Variants in SPAG16 observed in about 807,000 individuals in gnomAD.
The protein encoded by SPAG16 is sperm-associated antigen 16 protein.
A neutral mutation model predicts 80.4 loss-of-function variants in SPAG16; 86 were observed. That is an observed-to-expected ratio of 1.07 (90% confidence interval 0.90 to 1.28). The LOEUF (loss-of-function observed/expected upper bound fraction) is 1.28. SPAG16 is among the 50% of genes most tolerant of loss of function. The pLI is 0.00. For synonymous variants in SPAG16, 294 were observed against 265.9 expected (o/e 1.11, Z -1.03); for missense variants, 870 against 765.3 (o/e 1.14, Z -1.61).
Position 214,246,734 on chromosome 2 carries a change from TTTGGGGAATGTTAAATATAATA to T in SPAG16, c.1720+97469_1720+97490del, listed in dbSNP as rs573854357. Among the ~76,000 whole-genome samples, 762 of 152,204 alleles carry T rather than the reference TTTGGGGAATGTTAAATATAATA, an allele frequency of 5.0e-3. 5 individuals carry two copies. The highest frequency in any genetic ancestry group is 0.017 in the African/African-American group (721 of 41,534). On this transcript the variant is annotated intron_variant, in intron 15 of 15. Transcript: ENST00000331683. Reference sequence around the variant, plus strand: ...CCAAGTCCTTTCTGAACTCCAGAGCTTTGGGGAATGTTAAATATAATAGAATACTTTTTGCTTTCAGCTGCTA... The same window carrying T: ...CCAAGTCCTTTCTGAACTCCAGAGCTGAATACTTTTTGCTTTCAGCTGCTA...
At chr2:213,726,613 G>A (rs569739196) in intron 10 of SPAG16, among the ~76,000 whole-genome samples, 14 of 152,234 alleles carry the variant, frequency 9.2e-5, no homozygotes, top group African/African-American at 3.1e-4. Context: ...GCCCACATAC[G>A]CACCACACTA....
chr2:214,323,131 T>C (rs1245662486), intron 15 of SPAG16, among the ~76,000 whole-genome samples: 1 of 152,146 alleles, frequency 6.6e-6, no homozygotes, highest in Non-Finnish European at 1.5e-5. Context: ...AGGATGGCTG[T>C]TGATATTGCG....
intron 12 of SPAG16, among the ~76,000 whole-genome samples, chr2:213,968,188 C>T (rs955147165): frequency 4.6e-5 from 7 of 151,040 alleles, no homozygotes; most frequent in Non-Finnish European, 7.4e-5. Context: ...CTTTTCTTTT[C>T]CTTTCCTCCA....
rs780051778 is a variant in SPAG16, at chr2:214,176,601, T to G, written c.1720+27335T>G. ...TAAGCTAACAAAAAGATTCCTTTCC[T>G]GTTCCTTTGATTCCAAAGAATGTAT... On this transcript the variant is annotated intron_variant, in intron 15 of 15. Coordinates refer to ENST00000331683, the MANE Select transcript of SPAG16 (RefSeq NM_024532.5). Among the ~76,000 whole-genome samples, 20 of 151,514 alleles carry G rather than the reference T, an allele frequency of 1.3e-4. No homozygotes were observed. In the East Asian group the frequency reaches 3.7e-3, roughly 28 times the overall value.
intron 15 of SPAG16, among the ~76,000 whole-genome samples, chr2:214,151,041 A>C (rs542201743): frequency 6.6e-6 from 1 of 152,174 alleles, no homozygotes; most frequent in Admixed American, 6.5e-5. Context: ...TAATGAAAAC[A>C]CTTTATCAGT....
chr2:214,261,746 A>G (rs1049088680), intron 15 of SPAG16, among the ~76,000 whole-genome samples: 3 of 152,144 alleles, frequency 2.0e-5, no homozygotes, highest in African/African-American at 4.8e-5. Flanking sequence ...CGAAGTGTAA[A>G]TATATGTATA....
chr2:214,327,773 TA>T (rs1394208943), intron 15 of SPAG16, among the ~76,000 whole-genome samples: 1 of 152,076 alleles, frequency 6.6e-6, no homozygotes, highest in Non-Finnish European at 1.5e-5. Context: ...CATTTGAGAA[TA>T]AGAAGAAAAA....
chr2:213,867,661 G>A (rs1278281704), intron 11 of SPAG16, among the ~76,000 whole-genome samples: 1 of 151,928 alleles, frequency 6.6e-6, no homozygotes, highest in Non-Finnish European at 1.5e-5. Flanking sequence ...AGTGGCTCAC[G>A]CCTGTAATCC....
chr2:213,351,761 C>T (rs1181830033), intron 7 of SPAG16, among the ~76,000 whole-genome samples: 3 of 152,028 alleles, frequency 2.0e-5, no homozygotes, highest in Non-Finnish European at 4.4e-5. Context: ...GAGTGAAATT[C>T]TTAGCTTCGA....
At chr2:213,995,424 G>A (rs939104060) in intron 12 of SPAG16, among the ~76,000 whole-genome samples, 10 of 152,186 alleles carry the variant, frequency 6.6e-5, no homozygotes, top group Non-Finnish European at 1.5e-4. Context: ...TTCTTGCCAT[G>A]AATAGCATAT....
Position 214,100,293 on chromosome 2 carries a change from G to A in SPAG16, c.1528-7903G>A, listed in dbSNP as rs531893195. On this transcript the variant is annotated intron_variant, in intron 13 of 15. Coordinates refer to ENST00000331683, the MANE Select transcript of SPAG16 (RefSeq NM_024532.5). Reference sequence around the variant, plus strand: ...CTCAGGTATTGCTTTATAGCAGTGTGAAAATGGACTAATACAATCACTAAT... The same window carrying A: ...CTCAGGTATTGCTTTATAGCAGTGTAAAAATGGACTAATACAATCACTAAT... Among the ~76,000 whole-genome samples, 44 of 152,078 alleles carry A rather than the reference G, an allele frequency of 2.9e-4. 1 individual carries two copies. The highest frequency in any genetic ancestry group is 3.3e-4 in the Admixed American group (5 of 15,246).
intron 10 of SPAG16, among the ~76,000 whole-genome samples, chr2:213,566,799 T>G (rs1216349825): frequency 1.3e-5 from 2 of 152,212 alleles, no homozygotes; most frequent in African/African-American, 4.8e-5. Flanking sequence ...CTTGAAAATA[T>G]TCAGCTCGCC....
chr2:213,890,518 T>C (rs74542728), intron 11 of SPAG16, among the ~76,000 whole-genome samples: 1,559 of 152,204 alleles, frequency 0.01, 35 homozygotes, highest in African/African-American at 0.034. Context: ...TTCCATTGTT[T>C]GCTTTCTTAT....
chr2:214,121,714 C>T (rs919643062), intron 14 of SPAG16, among the ~76,000 whole-genome samples: 3 of 151,710 alleles, frequency 2.0e-5, no homozygotes, highest in South Asian at 2.1e-4. Context: ...AACATGACAC[C>T]GTAAGGTGAA....
At chr2:213,750,014 G>C (rs1335232187) in intron 10 of SPAG16, among the ~76,000 whole-genome samples, 2 of 152,074 alleles carry the variant, frequency 1.3e-5, no homozygotes, top group African/African-American at 4.8e-5. Flanking sequence ...GTATCCCGAG[G>C]CCCAGCATTA....
chr2:213,664,489 A>G (rs1267748683), intron 10 of SPAG16, among the ~76,000 whole-genome samples: 1 of 152,128 alleles, frequency 6.6e-6, no homozygotes, highest in Non-Finnish European at 1.5e-5. Flanking sequence ...TAGAAAATCC[A>G]GATAGTAACC....
chr2:213,940,074 A>G (rs890559051), intron 12 of SPAG16, among the ~76,000 whole-genome samples: 1 of 152,220 alleles, frequency 6.6e-6, no homozygotes, highest in Non-Finnish European at 1.5e-5. Flanking sequence ...TGGTAATTAC[A>G]TAAATATGCA....
chr2:214,382,248 T>G (rs981009867), intron 15 of SPAG16, among the ~76,000 whole-genome samples: 10 of 152,228 alleles, frequency 6.6e-5, no homozygotes, highest in African/African-American at 2.2e-4. Context: ...GCTTCATGTT[T>G]GACTAAGAAC....
chr2:213,675,451 G>A (rs182370085), intron 10 of SPAG16, among the ~76,000 whole-genome samples: 7,330 of 152,076 alleles, frequency 0.048, 577 homozygotes, highest in African/African-American at 0.17. Flanking sequence ...TAGACATGAA[G>A]TCCTTGCCCA....
Sources: gnomAD v4.1 joint callset for allele counts (sites outside exome capture counted in the v4.1 genomes callset) on GRCh38, gnomAD v4.1.1 for gene constraint, MANE v1.5 for transcripts, NCBI Gene and HGNC (gene_info 2026-07-23, HGNC 2026-07-21) for gene names.